SEL1L3: variants seen among roughly 807,000 people sequenced by gnomAD.
SEL1L3 encodes the protein protein sel-1 homolog 3.
In SEL1L3, 76 loss-of-function variants were observed where a neutral mutation model predicts 142.8. The ratio of observed to expected loss-of-function variants is 0.53; its 90% confidence interval spans 0.44 to 0.64. The LOEUF is 0.64. Among genes scored for constraint, SEL1L3 ranks in the 30% least tolerant of loss-of-function variants. The pLI is 0.00. For synonymous variants in SEL1L3, 504 were observed against 519.6 expected (o/e 0.97, Z 0.41); for missense variants, 1,262 against 1,381.7 (o/e 0.91, Z 1.37).
intron 6 of SEL1L3, among the ~76,000 whole-genome samples, chr4:25,828,889 C>T (rs967853271): frequency 6.6e-6 from 1 of 152,214 alleles, no homozygotes; most frequent in Non-Finnish European, 1.5e-5. Flanking sequence ...AAACACTCCT[C>T]ATCCCAGACA....
chr4:25,819,996 C>T, intron 7 of SEL1L3, 56 bp from the exon 8 acceptor site: 1 of 1,542,354 alleles, frequency 6.5e-7, no homozygotes, highest in Non-Finnish European at 8.8e-7. Context: ...TATCCATCCA[C>T]CTCTAGGAGG....
intron 9 of SEL1L3, among the ~76,000 whole-genome samples, chr4:25,816,395 G>A (rs1288205864): frequency 6.6e-6 from 1 of 151,980 alleles, no homozygotes; most frequent in Non-Finnish European, 1.5e-5. Flanking sequence ...CAGAGGCTAC[G>A]CCACTCATTA....
At chr4:25,809,427 G>A (rs1423235209) in intron 9 of SEL1L3, among the ~76,000 whole-genome samples, 1 of 151,718 alleles carries the variant, frequency 6.6e-6, no homozygotes, top group South Asian at 2.1e-4. Context: ...TTACAGGCTT[G>A]AGCCACGGCG....
intron 2 of SEL1L3, among the ~76,000 whole-genome samples, chr4:25,836,343 T>C (rs1379677451): frequency 6.6e-6 from 1 of 152,170 alleles, no homozygotes; most frequent in African/African-American, 2.4e-5. Context: ...TAACTCAACC[T>C]AGGAATAAGA....
the SEL1L3 span, chr4:25,719,629 G>C: frequency 2.0e-5 from 3 of 152,320 alleles, no homozygotes; most frequent in South Asian, 6.2e-4. Context: ...TTAAAAAATA[G>C]TAGGCTGATG....
At chr4:25,766,645 G>A (rs1560283617) in intron 19 of SEL1L3, among the ~76,000 whole-genome samples, 1 of 152,142 alleles carries the variant, frequency 6.6e-6, no homozygotes, top group Non-Finnish European at 1.5e-5. Context: ...TTGGGGACCA[G>A]AGGGTGCCTG....
the SEL1L3 span, among the ~76,000 whole-genome samples, chr4:25,724,365 G>T: frequency 1.3e-5 from 2 of 152,046 alleles, no homozygotes; most frequent in Admixed American, 6.6e-5. Context: ...GCTGCAGTAA[G>T]CTGTGACTGT....
At chr4:25,786,629 T>A (rs1316937834) in intron 13 of SEL1L3, among the ~76,000 whole-genome samples, 4 of 152,204 alleles carry the variant, frequency 2.6e-5, no homozygotes, top group African/African-American at 9.7e-5. Flanking sequence ...TCCTCTGCCT[T>A]CCTCTCTGTG....
In SEL1L3 at chr4:25,847,315, G is replaced by A. The variant is rs543793250; in HGVS notation, c.712C>T (p.Pro238Ser). The change falls in exon 2 of 24, where the codon CCA (proline) becomes TCA (serine). Residue 238 changes from proline (P) to serine (S), a missense_variant. Coordinates refer to ENST00000399878, the MANE Select transcript of SEL1L3 (RefSeq NM_015187.5). ...CTACCATTTTCCAGAGGACACTGTGGAATCCTGTTTGCCCGAAGGTTCCAA... is the reference window on the plus strand; with the variant it reads ...CTACCATTTTCCAGAGGACACTGTGAAATCCTGTTTGCCCGAAGGTTCCAA... ...YIWNLRANRI[P>S]QCPLENDVVA... 1.7e-5 allele frequency: 27 copies of A among 1,613,442 alleles called. No individual in the cohort carries two copies. In the East Asian group the frequency reaches 4.9e-4, roughly 29 times the overall value.
chr4:25,807,457 A>G (rs1027502427), intron 9 of SEL1L3, among the ~76,000 whole-genome samples: 1 of 152,118 alleles, frequency 6.6e-6, no homozygotes, highest in Non-Finnish European at 1.5e-5. Context: ...TTCAGTAGAC[A>G]CTGTAGCACT....
chr4:25,843,073 T>C (rs981836869), intron 2 of SEL1L3, among the ~76,000 whole-genome samples: 8 of 152,090 alleles, frequency 5.3e-5, no homozygotes, highest in Admixed American at 3.9e-4. Flanking sequence ...GAACTTGGTA[T>C]GCTCCAGGAG....
chr4:25,759,119 G>A (rs1577561792), intron 20 of SEL1L3, 51 bp from the exon 21 acceptor site: 1 of 1,587,022 alleles, frequency 6.3e-7, no homozygotes, highest in East Asian at 2.2e-5. Context: ...ATAAAACCTA[G>A]ACACACACTC....
At chr4:25,789,349 G>A (rs1712108156) in intron 12 of SEL1L3, among the ~76,000 whole-genome samples, 1 of 152,084 alleles carries the variant, frequency 6.6e-6, no homozygotes, top group Non-Finnish European at 1.5e-5. Flanking sequence ...AGAGGCATAA[G>A]CAGGAGAATT....
chr4:25,738,830 T>G, the SEL1L3 span, among the ~76,000 whole-genome samples: 1 of 152,288 alleles, frequency 6.6e-6, no homozygotes, highest in Admixed American at 6.5e-5. Context: ...GTGGTCACAC[T>G]AATGCATTTG....
intron 11 of SEL1L3, among the ~76,000 whole-genome samples, chr4:25,792,574 G>A (rs1037633464): frequency 6.6e-6 from 1 of 152,248 alleles, no homozygotes; most frequent in Admixed American, 6.5e-5. Flanking sequence ...GCTGCCCTGA[G>A]AAGGAGTTCT....
rs34282052 is a variant in SEL1L3 at position 25,757,690 on chromosome 4, G to A, written c.3184C>T (p.Leu1062=). The A allele has an allele frequency of 5.0e-3, 7,981 of 1,587,428 alleles. 301 individuals carry two copies. In the African/African-American group the frequency reaches 0.086, roughly 17 times the overall value. Residue 1062 remains leucine (L), a splice_region_variant and synonymous_variant, in exon 22 of 24, where the codon CTG becomes TTG. Transcript: ENST00000399878. ...LLWGAILHSA[L]IYFLGTFLLS... ...GGCCGGTGGGACATGAAACCTACCA[G>A]GGCTGAGTGCAGGATAGCACCCCAG... is the stretch of plus-strand genomic sequence containing the variant.
At chr4:25,794,469 C>T (rs181106183) in intron 11 of SEL1L3, among the ~76,000 whole-genome samples, 1 of 152,232 alleles carries the variant, frequency 6.6e-6, no homozygotes, top group Non-Finnish European at 1.5e-5. Context: ...AAATCAAAAC[C>T]ACAATGAGAT....
intron 16 of SEL1L3, among the ~76,000 whole-genome samples, chr4:25,778,848 A>G (rs531647043): frequency 1.3e-5 from 2 of 152,310 alleles, no homozygotes; most frequent in South Asian, 2.1e-4. Context: ...AATAGAGTCT[A>G]GGGGTGGGAT....
At chr4:25,809,316 T>C (rs1713856097) in intron 9 of SEL1L3, among the ~76,000 whole-genome samples, 1 of 151,046 alleles carries the variant, frequency 6.6e-6, no homozygotes. Flanking sequence ...TAATTTTTTT[T>C]TTTTTTTTGG....
Sources: gnomAD v4.1 joint callset for allele counts (sites outside exome capture counted in the v4.1 genomes callset) on GRCh38, gnomAD v4.1.1 for gene constraint, MANE v1.5 for transcripts, NCBI Gene and HGNC (gene_info 2026-07-23, HGNC 2026-07-21) for gene names.